Variants in TMEM117 observed in about 807,000 individuals in gnomAD.
TMEM117 encodes the protein transmembrane protein 117.
A neutral mutation model predicts 52.4 loss-of-function variants in TMEM117; 27 were observed. The observed-to-expected ratio is 0.51, with a 90% CI of 0.38 to 0.71. The LOEUF (loss-of-function observed/expected upper bound fraction) is 0.71, where lower values mean the gene tolerates loss of function less well. Ranked by LOEUF, TMEM117 falls within the 30% of genes least tolerant of loss-of-function variation. TMEM117 has a pLI of 0.00. For synonymous variants in TMEM117, 215 were observed against 206.3 expected (o/e 1.04, Z -0.36); for missense variants, 556 against 630.5 (o/e 0.88, Z 1.26).
chr12:43,804,831 T>G, the TMEM117 span, among the ~76,000 whole-genome samples: 1 of 152,214 alleles, frequency 6.6e-6, no homozygotes, highest in Non-Finnish European at 1.5e-5. Context: ...AACACTGGGG[T>G]GAATATACTG....
intron 6 of TMEM117, among the ~76,000 whole-genome samples, chr12:44,371,976 CTGTT>C (rs918151707): frequency 3.8e-4 from 58 of 152,246 alleles, no homozygotes; most frequent in East Asian, 7.7e-4. Flanking sequence ...TAAAAATTAA[CTGTT>C]TGTCATATAT....
intron 3 of TMEM117, among the ~76,000 whole-genome samples, chr12:44,027,505 AG>A (rs1343375693): frequency 6.6e-6 from 1 of 152,148 alleles, no homozygotes; most frequent in East Asian, 1.9e-4. Flanking sequence ...ACATTTTAAA[AG>A]AGGATAGAAT....
intron 2 of TMEM117, among the ~76,000 whole-genome samples, chr12:43,942,916 G>A (rs376821795): frequency 1.3e-5 from 2 of 151,846 alleles, no homozygotes; most frequent in Admixed American, 1.3e-4. Flanking sequence ...TGGTGGCTCA[G>A]GCCTGTAATC....
At position 43,998,844 on chromosome 12, in the gene TMEM117, C is replaced by G. The variant is rs144518431; in HGVS notation, c.410+54502C>G. Among the ~76,000 whole-genome samples the G allele has an allele frequency of 4.6e-3, 706 of 152,178 alleles. 10 individuals carry two copies. The highest frequency in any genetic ancestry group is 4.6e-3 in the Non-Finnish European group (315 of 68,000). ...GTATCTAACAACTCAAATTTAGAAT[C>G]AAACAAATCAGTAAGAAAAAAGATA... On this transcript the variant is annotated intron_variant, in intron 3 of 7. Transcript: ENST00000266534.
At chr12:43,838,684 C>T (rs1943071768) in intron 1 of TMEM117, among the ~76,000 whole-genome samples, 1 of 149,562 alleles carries the variant, frequency 6.7e-6, no homozygotes, top group African/African-American at 2.5e-5. Flanking sequence ...TTACTTCCTT[C>T]CCATTGGAAT....
chr12:44,165,171 C>A (rs1173463118), intron 4 of TMEM117, among the ~76,000 whole-genome samples: 2 of 151,972 alleles, frequency 1.3e-5, no homozygotes, highest in African/African-American at 2.4e-5. Context: ...ATATGAGTGA[C>A]AATATGGTGT....
At chr12:44,310,761 A>C (rs951869460) in intron 6 of TMEM117, among the ~76,000 whole-genome samples, 1 of 152,120 alleles carries the variant, frequency 6.6e-6, no homozygotes, top group Non-Finnish European at 1.5e-5. Flanking sequence ...TGTTCCTTTA[A>C]ATCATTACAG....
intron 2 of TMEM117, among the ~76,000 whole-genome samples, chr12:43,861,304 C>T (rs1001742603): frequency 6.6e-6 from 1 of 152,074 alleles, no homozygotes; most frequent in Non-Finnish European, 1.5e-5. Flanking sequence ...CTGTCCATGT[C>T]GGGGAGGGGG....
intron 3 of TMEM117, among the ~76,000 whole-genome samples, chr12:43,961,010 G>A (rs975790410): frequency 3.3e-5 from 5 of 152,072 alleles, no homozygotes. Flanking sequence ...GAAACAGCAT[G>A]GACTTTTGTC....
At chr12:44,162,367 G>A (rs1948909647) in intron 4 of TMEM117, among the ~76,000 whole-genome samples, 1 of 152,166 alleles carries the variant, frequency 6.6e-6, no homozygotes, top group South Asian at 2.1e-4. Context: ...TGCCCTCAGG[G>A]TGCATTTTCT....
chr12:44,361,063 T>A (rs1024357008), intron 6 of TMEM117, among the ~76,000 whole-genome samples: 19 of 152,076 alleles, frequency 1.2e-4, no homozygotes, highest in African/African-American at 4.3e-4. Flanking sequence ...TTGGGAAAAA[T>A]GGACTTAAAG....
chr12:44,101,585 G>A (rs1947861907), intron 3 of TMEM117, among the ~76,000 whole-genome samples: 1 of 151,926 alleles, frequency 6.6e-6, no homozygotes, highest in South Asian at 2.1e-4. Flanking sequence ...ACTACATACT[G>A]TGGGAAGAGC....
chr12:44,233,472 G>A (rs1339502884), intron 5 of TMEM117, among the ~76,000 whole-genome samples: 2 of 150,876 alleles, frequency 1.3e-5, no homozygotes, highest in African/African-American at 4.8e-5. Context: ...GATTCAGGAA[G>A]CTGTTTCTTC....
chr12:44,238,965 G>T (rs1950030590), intron 5 of TMEM117, among the ~76,000 whole-genome samples: 1 of 152,012 alleles, frequency 6.6e-6, no homozygotes. Flanking sequence ...AGTTGCTTTA[G>T]ATTATTGTGA....
intron 2 of TMEM117, among the ~76,000 whole-genome samples, chr12:43,893,080 T>A (rs1276119445): frequency 6.6e-6 from 1 of 152,214 alleles, no homozygotes; most frequent in Non-Finnish European, 1.5e-5. Context: ...TGGAAGGAGA[T>A]GAATTTGGTA....
At chr12:43,951,826 C>T (rs1439909942) in intron 3 of TMEM117, among the ~76,000 whole-genome samples, 4 of 152,178 alleles carry the variant, frequency 2.6e-5, no homozygotes, top group South Asian at 2.1e-4. Flanking sequence ...GTCCCTGACC[C>T]CATGCCTCCT....
intron 4 of TMEM117, among the ~76,000 whole-genome samples, chr12:44,148,957 C>T (rs1162919530): frequency 6.6e-6 from 1 of 151,978 alleles, no homozygotes; most frequent in African/African-American, 2.4e-5. Flanking sequence ...ATATATTAAC[C>T]CTGCTTTGCT....
chr12:44,046,194 T>C (rs1035116732), intron 3 of TMEM117, among the ~76,000 whole-genome samples: 4 of 152,200 alleles, frequency 2.6e-5, no homozygotes, highest in African/African-American at 9.7e-5. Context: ...AGTTACATTC[T>C]GCTGGGCTAG....
At chr12:44,236,252 T>C (rs569780862) in intron 5 of TMEM117, among the ~76,000 whole-genome samples, 2 of 151,700 alleles carry the variant, frequency 1.3e-5, no homozygotes, top group Admixed American at 1.3e-4. Context: ...GAGGTGCCAG[T>C]TAAATACATA....
Sources: gnomAD v4.1 joint callset for allele counts (sites outside exome capture counted in the v4.1 genomes callset) on GRCh38, gnomAD v4.1.1 for gene constraint, MANE v1.5 for transcripts, NCBI Gene and HGNC (gene_info 2026-07-23, HGNC 2026-07-21) for gene names.